DLG1: variants seen among roughly 807,000 people sequenced by gnomAD.
The protein encoded by DLG1 is disks large homolog 1.
Under a neutral mutation model 123.4 loss-of-function variants are expected in DLG1, and 42 were observed. The observed-to-expected ratio is 0.34, with a 90% CI of 0.27 to 0.44. The LOEUF (loss-of-function observed/expected upper bound fraction) is 0.44, where lower values mean the gene tolerates loss of function less well. DLG1 is among the 20% of genes least tolerant of loss of function. The pLI is 1.00. For missense variants in DLG1, 942 were observed against 1,082.6 expected (o/e 0.87, Z 1.82); for synonymous variants, 317 against 356.2 (o/e 0.89, Z 1.24).
chr3:197,184,695 C>CA (rs1714744941), intron 5 of DLG1, among the ~76,000 whole-genome samples: 1 of 152,274 alleles, frequency 6.6e-6, no homozygotes, highest in South Asian at 2.1e-4. Flanking sequence ...ATTTTATAAA[C>CA]ATTCATATTA....
chr3:197,075,138 A>T (rs1240769159), intron 18 of DLG1, among the ~76,000 whole-genome samples: 1 of 151,956 alleles, frequency 6.6e-6, no homozygotes, highest in Non-Finnish European at 1.5e-5. Context: ...CATTCATGCC[A>T]ACATTTATTG....
chr3:197,260,750 C>CAAAAAAAAAAAAAAAAAA (rs570596943), intron 4 of DLG1, among the ~76,000 whole-genome samples: 5 of 18,320 alleles, frequency 2.7e-4, no homozygotes, highest in African/African-American at 4.2e-4. Flanking sequence ...TGACAACCAC[C>CAAAAAAAAAAAAAAAAAA]AAAAAAAAAA....
chr3:197,137,689 G>A (rs1192543314), intron 9 of DLG1, among the ~76,000 whole-genome samples: 14 of 152,078 alleles, frequency 9.2e-5, no homozygotes. Context: ...AGAATTTTGG[G>A]CCAGGTGCAG....
chr3:197,268,323 T>C (rs758051066), intron 4 of DLG1, among the ~76,000 whole-genome samples: 3 of 152,220 alleles, frequency 2.0e-5, no homozygotes, highest in Non-Finnish European at 4.4e-5. Flanking sequence ...TCACATAGCC[T>C]TTCATTTTCT....
intron 4 of DLG1, among the ~76,000 whole-genome samples, chr3:197,228,150 A>T (rs1740931462): frequency 6.6e-6 from 1 of 152,230 alleles, no homozygotes; most frequent in African/African-American, 2.4e-5. Context: ...TATCTATAAC[A>T]ATTTATTTAT....
chr3:197,171,971 G>C (rs1376775178), intron 5 of DLG1, among the ~76,000 whole-genome samples: 1 of 151,992 alleles, frequency 6.6e-6, no homozygotes, highest in East Asian at 1.9e-4. Context: ...AAGTCTGTAA[G>C]GATTCAGGTC....
chr3:197,297,876 C>G (rs1404507796), intron 1 of DLG1: 1 of 985,278 alleles, frequency 1.0e-6, no homozygotes, highest in Non-Finnish European at 1.2e-6. Context: ...CAGCCCGGCC[C>G]CGCTCCACGT....
intron 4 of DLG1, among the ~76,000 whole-genome samples, chr3:197,240,918 C>A (rs1013435796): frequency 1.6e-5 from 1 of 62,864 alleles, no homozygotes; most frequent in African/African-American, 6.4e-5. Flanking sequence ...TAGAAAATTA[C>A]CTCAAAAAAA....
chr3:197,154,531 C>T (rs1032855049), intron 5 of DLG1, among the ~76,000 whole-genome samples: 8 of 150,444 alleles, frequency 5.3e-5, no homozygotes, highest in South Asian at 2.1e-4. Flanking sequence ...AAAAATTAGC[C>T]GGGCGTGGCG....
At chr3:197,199,368 T>G (rs1724388879) in intron 4 of DLG1, among the ~76,000 whole-genome samples, 1 of 152,186 alleles carries the variant, frequency 6.6e-6, no homozygotes, top group South Asian at 2.1e-4. Context: ...ATTCCACATC[T>G]GACCTTATGT....
At chr3:197,274,424 A>G (rs1178377908) in intron 4 of DLG1, among the ~76,000 whole-genome samples, 1 of 152,214 alleles carries the variant, frequency 6.6e-6, no homozygotes, top group Non-Finnish European at 1.5e-5. Context: ...CATTACTCAC[A>G]ATATGAAAAC....
chr3:197,067,551 G>GTTTTTTTTTT (rs199907948), intron 19 of DLG1, among the ~76,000 whole-genome samples: 2 of 107,392 alleles, frequency 1.9e-5, no homozygotes, highest in African/African-American at 4.0e-5. Flanking sequence ...AACTCTGAGA[G>GTTTTTTTTTT]TTTTTTTTTT....
intron 3 of DLG1, among the ~76,000 whole-genome samples, chr3:197,288,690 C>T (rs1773125152): frequency 7.3e-6 from 1 of 137,500 alleles, no homozygotes; most frequent in Admixed American, 7.7e-5. Context: ...CATTGCACTC[C>T]AGCCTGGGCA....
chr3:197,057,385 G>A (rs1022366068), intron 23 of DLG1, among the ~76,000 whole-genome samples: 12 of 152,164 alleles, frequency 7.9e-5, no homozygotes, highest in East Asian at 1.9e-4. Flanking sequence ...CCTGACAGTC[G>A]TTGACTATTT....
chr3:197,187,081 TGAG>T (rs1318708574), intron 5 of DLG1, among the ~76,000 whole-genome samples: 1 of 152,346 alleles, frequency 6.6e-6, no homozygotes, highest in East Asian at 1.9e-4. Flanking sequence ...AAGACAAGAC[TGAG>T]AAGAGTGACA....
intron 12 of DLG1, among the ~76,000 whole-genome samples, chr3:197,116,575 C>T (rs1579553126): frequency 6.6e-6 from 1 of 152,118 alleles, no homozygotes; most frequent in Non-Finnish European, 1.5e-5. Flanking sequence ...AGAGTATAAC[C>T]CCATTCTAAC....
At chr3:197,263,688 G>A (rs1257671028) in intron 4 of DLG1, among the ~76,000 whole-genome samples, 1 of 152,114 alleles carries the variant, frequency 6.6e-6, no homozygotes, top group Non-Finnish European at 1.5e-5. Context: ...TCGGGAGGCT[G>A]AGGTGGGAGA....
chr3:197,146,615 G>T (rs903882598), intron 6 of DLG1, among the ~76,000 whole-genome samples: 2 of 152,086 alleles, frequency 1.3e-5, no homozygotes, highest in Admixed American at 1.3e-4. Context: ...AATGAAACTG[G>T]ATCCTCATCT....
intron 5 of DLG1, among the ~76,000 whole-genome samples, chr3:197,190,738 C>A (rs1054367377): frequency 6.6e-6 from 1 of 152,158 alleles, no homozygotes; most frequent in Non-Finnish European, 1.5e-5. Context: ...CGGCCGGGCG[C>A]GGTGGCTCCC....
Sources: allele counts gnomAD v4.1 joint callset (sites outside exome capture counted in the v4.1 genomes callset), GRCh38; gene constraint gnomAD v4.1.1; transcripts MANE v1.5; gene names NCBI Gene and HGNC (gene_info 2026-07-23, HGNC 2026-07-21).